PTPRD: variants seen among roughly 807,000 people sequenced by gnomAD.
PTPRD encodes the protein receptor-type tyrosine-protein phosphatase delta.
PTPRD carries 34 observed loss-of-function variants against 214.5 expected under a neutral mutation model. That is an observed-to-expected ratio of 0.16 (90% CI 0.12 to 0.21). The LOEUF is 0.21. Among genes scored for constraint, PTPRD ranks in the 10% least tolerant of loss-of-function variants. The pLI is 1.00. For missense variants in PTPRD, 2,545 were observed against 2,398.7 expected (o/e 1.06, Z -1.27); for synonymous variants, 1,128 against 845.7 (o/e 1.33, Z -5.79).
intron 9 of PTPRD, among the ~76,000 whole-genome samples, chr9:9,370,628 G>T (rs1335596951): frequency 6.6e-6 from 1 of 150,778 alleles, no homozygotes; most frequent in Non-Finnish European, 1.5e-5. Context: ...GATTGCCCTG[G>T]CCAGAACTTC....
intron 10 of PTPRD, among the ~76,000 whole-genome samples, chr9:9,151,372 TA>T (rs2099876607): frequency 6.6e-6 from 1 of 152,126 alleles, no homozygotes; most frequent in African/African-American, 2.4e-5. Flanking sequence ...ACAGATCACA[TA>T]ATCAGACACA....
At chr9:8,808,549 C>A (rs1303706058) in intron 11 of PTPRD, among the ~76,000 whole-genome samples, 1 of 147,794 alleles carries the variant, frequency 6.8e-6, no homozygotes, top group African/African-American at 2.6e-5. Context: ...TACACTAAAG[C>A]CCAGAGACAC....
At chr9:10,082,840 A>AAAC (rs1555566892) in intron 3 of PTPRD, among the ~76,000 whole-genome samples, 10,005 of 128,062 alleles carry the variant, frequency 0.078, 1,016 homozygotes, top group African/African-American at 0.25. Context: ...CACACACACA[A>AAAC]ACACACACAC....
chr9:8,509,004 T>C (rs2097606804), intron 21 of PTPRD, among the ~76,000 whole-genome samples: 1 of 151,996 alleles, frequency 6.6e-6, no homozygotes, highest in African/African-American at 2.4e-5. Context: ...TTCATCATCT[T>C]TTCTCTCTCT....
intron 21 of PTPRD, among the ~76,000 whole-genome samples, chr9:8,514,285 T>C (rs879425795): frequency 3.9e-5 from 6 of 152,174 alleles, no homozygotes; most frequent in Non-Finnish European, 8.8e-5. Context: ...ATTCTCACAA[T>C]TGTCTAAGAT....
rs150527310 is a variant in PTPRD, at chr9:9,539,946, G to T, written c.-237+34786C>A. On this transcript the variant is annotated intron_variant, in intron 8 of 45. Transcript: ENST00000381196. ...TTCCATTAGTAATATTCCTTAATGG[G>T]GGAATAGAAATTACCCTACACGGAT... Among the ~76,000 whole-genome samples the T allele has an allele frequency of 1.2e-4, 18 of 151,706 alleles. No homozygotes were observed. In the East Asian group the frequency reaches 3.3e-3, roughly 28 times the overall value.
chr9:9,933,662 A>C (rs2087818712), intron 5 of PTPRD, among the ~76,000 whole-genome samples: 1 of 148,356 alleles, frequency 6.7e-6, no homozygotes, highest in Non-Finnish European at 1.5e-5. Flanking sequence ...AACATTAGAC[A>C]GATCAACCAG....
At chr9:9,295,708 A>T (rs1367122871) in intron 9 of PTPRD, among the ~76,000 whole-genome samples, 1 of 151,798 alleles carries the variant, frequency 6.6e-6, no homozygotes, top group African/African-American at 2.4e-5. Flanking sequence ...ATGTAGAAAA[A>T]CACTAGGTTT....
intron 2 of PTPRD, among the ~76,000 whole-genome samples, chr9:10,407,085 G>A (rs572543078): frequency 9.2e-5 from 14 of 151,546 alleles, no homozygotes; most frequent in Admixed American, 2.0e-4. Context: ...AATGCCCAAC[G>A]TCTTCTCACC....
At chr9:9,082,541 G>T (rs911636778) in intron 10 of PTPRD, among the ~76,000 whole-genome samples, 5 of 152,174 alleles carry the variant, frequency 3.3e-5, no homozygotes, top group Non-Finnish European at 7.3e-5. Context: ...GGTATTGGAA[G>T]TTCCGGCCAG....
chr9:10,121,001 A>G lies in PTPRD; in HGVS notation c.-544-87211T>C, dbSNP rs868322877. Among the ~76,000 whole-genome samples, 7 of 152,266 alleles carry G rather than the reference A, an allele frequency of 4.6e-5. No individual in the cohort carries two copies. In the South Asian group the frequency reaches 1.5e-3, roughly 32 times the overall value. ...TATTTATCTTTGATAAAGTATAATT[A>G]TTATTTTTTATTGACTAAATAGGGT... On this transcript the variant is annotated intron_variant, in intron 3 of 45. Transcript: ENST00000381196.
intron 11 of PTPRD, among the ~76,000 whole-genome samples, chr9:8,899,458 T>C (rs1036635163): frequency 1.3e-5 from 2 of 152,186 alleles, no homozygotes; most frequent in Non-Finnish European, 2.9e-5. Context: ...CTCCCAGCTA[T>C]GAGTATGCAT....
intron 8 of PTPRD, among the ~76,000 whole-genome samples, chr9:9,572,008 ATATCT>A (rs913765845): frequency 5.9e-5 from 9 of 151,268 alleles, no homozygotes; most frequent in African/African-American, 1.9e-4. Context: ...TAAGGCAAAA[ATATCT>A]TAAATAGGAC....
chr9:9,308,190 T>A (rs1451361105), intron 9 of PTPRD, among the ~76,000 whole-genome samples: 1 of 152,158 alleles, frequency 6.6e-6, no homozygotes, highest in East Asian at 1.9e-4. Flanking sequence ...TTTGGGCAAA[T>A]ACCTACCTAA....
At chr9:9,221,551 C>T (rs924841818) in intron 9 of PTPRD, among the ~76,000 whole-genome samples, 2 of 151,968 alleles carry the variant, frequency 1.3e-5, no homozygotes, top group South Asian at 2.1e-4. Flanking sequence ...CTTTCTGGCT[C>T]GCAGACAGTA....
chr9:8,859,125 C>A (rs1033864323), intron 11 of PTPRD, among the ~76,000 whole-genome samples: 2 of 152,202 alleles, frequency 1.3e-5, no homozygotes, highest in Non-Finnish European at 2.9e-5. Context: ...TTGTAGGATC[C>A]GCTTTGAAGG....
chr9:9,459,816 C>A (rs1038644573), intron 8 of PTPRD, among the ~76,000 whole-genome samples: 1 of 151,934 alleles, frequency 6.6e-6, no homozygotes, highest in Non-Finnish European at 1.5e-5. Context: ...ATAACCAATG[C>A]CATTTTTCAC....
intron 10 of PTPRD, among the ~76,000 whole-genome samples, chr9:9,152,399 G>A (rs1211326054): frequency 6.6e-6 from 1 of 152,072 alleles, no homozygotes; most frequent in Non-Finnish European, 1.5e-5. Context: ...AATTCTAAAG[G>A]AAATATTGAA....
chr9:9,328,840 GT>G (rs1442307023), intron 9 of PTPRD, among the ~76,000 whole-genome samples: 1 of 150,954 alleles, frequency 6.6e-6, no homozygotes, highest in East Asian at 2.0e-4. Flanking sequence ...GTTTCACTAT[GT>G]TGGCCAGGCT....
Sources: gnomAD v4.1 joint callset for allele counts (sites outside exome capture counted in the v4.1 genomes callset) on GRCh38, gnomAD v4.1.1 for gene constraint, MANE v1.5 for transcripts, NCBI Gene and HGNC (gene_info 2026-07-23, HGNC 2026-07-21) for gene names.